The following ADCK1 variants were observed in gnomAD, a reference collection of about 807,000 sequenced individuals.
ADCK1 encodes the protein aarF domain-containing protein kinase 1.
ADCK1 carries 41 observed loss-of-function variants against 52.3 expected under a neutral mutation model. That is an observed-to-expected ratio of 0.78 (90% CI 0.61 to 1.02). The LOEUF is 1.02. Among genes scored for constraint, ADCK1 ranks in the 50% least tolerant of loss-of-function variants. The probability of loss-of-function intolerance (pLI) is 0.00; values close to 1 mark genes in which losing one functional copy is unlikely to be tolerated. For synonymous variants in ADCK1, 250 were observed against 274.6 expected (o/e 0.91, Z 0.89); for missense variants, 658 against 679.5 (o/e 0.97, Z 0.35).
At chr14:77,861,084 C>T (rs2082535225) in intron 4 of ADCK1, among the ~76,000 whole-genome samples, 1 of 152,158 alleles carries the variant, frequency 6.6e-6, no homozygotes, top group South Asian at 2.1e-4. Context: ...CTTCAGGGCC[C>T]CTTCTCCAGT....
chr14:77,856,877 G>T (rs7158755), intron 3 of ADCK1, among the ~76,000 whole-genome samples: 1 of 151,844 alleles, frequency 6.6e-6, no homozygotes, highest in Non-Finnish European at 1.5e-5. Flanking sequence ...GGTGGTATGC[G>T]CCTGTAATTA....
chr14:77,814,426 G>GAAA (rs113468969), intron 1 of ADCK1, among the ~76,000 whole-genome samples: 5,900 of 145,122 alleles, frequency 0.041, 227 homozygotes, highest in East Asian at 0.17. Flanking sequence ...TCTCTTTACT[G>GAAA]AAAAAAAAAA....
At chr14:77,913,750 CT>C (rs2083851995) in intron 7 of ADCK1, among the ~76,000 whole-genome samples, 1 of 151,736 alleles carries the variant, frequency 6.6e-6, no homozygotes, top group Non-Finnish European at 1.5e-5. Flanking sequence ...GGACAGATGA[CT>C]GGAGGTCTGG....
intron 7 of ADCK1, among the ~76,000 whole-genome samples, chr14:77,914,844 C>G (rs2140273765): frequency 6.6e-6 from 1 of 152,268 alleles, no homozygotes; most frequent in East Asian, 1.9e-4. Context: ...TTCGAGAATC[C>G]TCTTTGCTCC....
At chr14:77,931,221 G>A (rs1295217248) in intron 9 of ADCK1, among the ~76,000 whole-genome samples, 2 of 152,164 alleles carry the variant, frequency 1.3e-5, no homozygotes, top group Non-Finnish European at 1.5e-5. Context: ...CTAAAATTGC[G>A]GCCAGTGAAA....
intron 3 of ADCK1, among the ~76,000 whole-genome samples, chr14:77,844,306 CTCCTGACCACGTGT>C (rs1341927473): frequency 3.3e-5 from 5 of 152,126 alleles, no homozygotes; most frequent in Non-Finnish European, 7.3e-5. Context: ...TGATCTTGAT[CTCCTGACCACGTGT>C]TCCAACCACC....
chr14:77,817,683 T>G (rs557671168), intron 1 of ADCK1, among the ~76,000 whole-genome samples: 1 of 151,964 alleles, frequency 6.6e-6, no homozygotes, highest in South Asian at 2.1e-4. Context: ...GGCAGAGTAG[T>G]GACAGTCATA....
At chr14:77,810,531 C>CTTT (rs1185694274) in intron 1 of ADCK1, among the ~76,000 whole-genome samples, 15 of 135,784 alleles carry the variant, frequency 1.1e-4, no homozygotes, top group African/African-American at 3.8e-4. Flanking sequence ...AGGCTGGGTT[C>CTTT]TTTTTTTTTT....
chr14:77,804,652 C>T (rs1045190365), intron 1 of ADCK1, among the ~76,000 whole-genome samples: 1 of 151,998 alleles, frequency 6.6e-6, no homozygotes, highest in African/African-American at 2.4e-5. Context: ...GAATTGTCAG[C>T]CCAGGGCATG....
At chr14:77,894,535 C>T (rs1325781243) in intron 5 of ADCK1, among the ~76,000 whole-genome samples, 1 of 151,948 alleles carries the variant, frequency 6.6e-6, no homozygotes, top group East Asian at 1.9e-4. Context: ...ACAAGAAAAG[C>T]CCAGGTCAGA....
intron 3 of ADCK1, among the ~76,000 whole-genome samples, chr14:77,841,360 G>A (rs2082061792): frequency 6.6e-6 from 1 of 152,150 alleles, no homozygotes; most frequent in Non-Finnish European, 1.5e-5. Flanking sequence ...AACCCTGGGA[G>A]CTCAGGTCAA....
At chr14:77,926,473 C>CT (rs200707090) in intron 9 of ADCK1, among the ~76,000 whole-genome samples, 2,242 of 152,126 alleles carry the variant, frequency 0.015, 25 homozygotes, top group Non-Finnish European at 0.022. Flanking sequence ...TGTCTGCAGA[C>CT]TTTTTTGTTT....
chr14:77,818,854 A>T, intron 1 of ADCK1, 114 bp from the exon 2 acceptor site: 1 of 1,237,048 alleles, frequency 8.1e-7, no homozygotes, highest in Non-Finnish European at 1.1e-6. Context: ...GCTCAGTGAG[A>T]TTAATGATCC....
At position 77,857,707 on chromosome 14, in the gene ADCK1, C is replaced by A. The variant is rs1243469152; in HGVS notation, c.220-1369C>A. On this transcript the variant is annotated intron_variant, in intron 3 of 10. Coordinates refer to ENST00000238561, the MANE Select transcript of ADCK1 (RefSeq NM_020421.4). ...TATACAGGATCTTTGAATGCTTTTTCCACCTTTGTTGTCAACTGTTATTTA... is the reference window on the plus strand; with the variant it reads ...TATACAGGATCTTTGAATGCTTTTTACACCTTTGTTGTCAACTGTTATTTA... 8.5e-5 allele frequency among the ~76,000 whole-genome samples: 13 copies of A among 152,314 alleles called. No homozygotes were observed. The East Asian group carries it at 2.5e-3, about 29-fold the overall frequency.
At chr14:77,860,662 G>A (rs527890174) in intron 4 of ADCK1, among the ~76,000 whole-genome samples, 1 of 152,316 alleles carries the variant, frequency 6.6e-6, no homozygotes, top group South Asian at 2.1e-4. Flanking sequence ...GGAGCAGGCT[G>A]CAAGCTGGGA....
At position 77,859,117 on chromosome 14, in the gene ADCK1, T is replaced by G; in HGVS notation, c.261T>G (p.Cys87Trp). 6.2e-7 allele frequency: 1 copy of G among 1,612,654 alleles called. No homozygotes were observed. Among genetic ancestry groups the G allele is most frequent in the Non-Finnish European group, 8.5e-7 (1 of 1,179,778 alleles). ...RSARRLCELC[C>W]ANRGTFIKVG... is the part of the protein sequence containing the mutation. ...CCAGGCGTCTCTGTGAGCTCTGCTG[T>G]GCCAACCGGGGCACCTTCATCAAGG... The change falls in exon 4 of 11, where the codon TGT becomes TGG. Residue 87 changes from cysteine to tryptophan, a missense_variant. Physicochemically the swap from Cys to Trp is radical, Grantham distance 215 (BLOSUM62 -2). Transcript: ENST00000238561.
At chr14:77,916,632 T>C (rs2083931700) in intron 7 of ADCK1, among the ~76,000 whole-genome samples, 1 of 152,144 alleles carries the variant, frequency 6.6e-6, no homozygotes, top group African/African-American at 2.4e-5. Context: ...TTTTTGTATT[T>C]CTTATAGAGG....
chr14:77,812,885 C>T (rs1450839380), intron 1 of ADCK1, among the ~76,000 whole-genome samples: 2 of 151,664 alleles, frequency 1.3e-5, no homozygotes, highest in African/African-American at 4.8e-5. Flanking sequence ...TCACCATGCC[C>T]GGCTGCATAT....
intron 1 of ADCK1, among the ~76,000 whole-genome samples, chr14:77,807,363 C>T (rs150373136): frequency 0.029 from 4,432 of 151,874 alleles, 203 homozygotes; most frequent in African/African-American, 0.099. Flanking sequence ...CCACCGCGCC[C>T]GGCCTGGAGA....
Sources: allele counts gnomAD v4.1 joint callset (sites outside exome capture counted in the v4.1 genomes callset), GRCh38; gene constraint gnomAD v4.1.1; transcripts MANE v1.5; gene names NCBI Gene and HGNC (gene_info 2026-07-23, HGNC 2026-07-21).